Variants in USO1 observed in about 807,000 individuals in gnomAD.
The protein encoded by USO1 is USO1 vesicle transport factor.
USO1 carries 57 observed loss-of-function variants against 124.5 expected under a neutral mutation model. That is an observed-to-expected ratio of 0.46 (90% CI 0.37 to 0.57). The LOEUF (loss-of-function observed/expected upper bound fraction) is 0.57, where lower values mean the gene tolerates loss of function less well. USO1 is among the 20% of genes least tolerant of loss of function. The probability of loss-of-function intolerance (pLI) is 0.00; values close to 1 mark genes in which losing one functional copy is unlikely to be tolerated. For missense variants in USO1, 900 were observed against 1,040.6 expected (o/e 0.86, Z 1.86); for synonymous variants, 369 against 362.8 (o/e 1.02, Z -0.19).
intron 4 of USO1, among the ~76,000 whole-genome samples, chr4:75,761,477 T>A (rs1355410894): frequency 6.6e-6 from 1 of 152,206 alleles, no homozygotes; most frequent in African/African-American, 2.4e-5. Flanking sequence ...TGTATACATA[T>A]ATTTTTTACC....
At chr4:75,753,168 C>G (rs901015567) in intron 3 of USO1, among the ~76,000 whole-genome samples, 2 of 152,190 alleles carry the variant, frequency 1.3e-5, no homozygotes, top group East Asian at 3.9e-4. Context: ...CTTGTAATTC[C>G]AGCACCTTGG....
rs753990069 is a variant in USO1, at chr4:75,774,804, A to G, written c.676+8A>G. 3 of 1,611,654 alleles carry G rather than the reference A, an allele frequency of 1.9e-6. No individual in the cohort carries two copies. The highest frequency in any genetic ancestry group is 1.1e-5 in the South Asian group (1 of 90,760). On this transcript the variant is annotated splice_region_variant and intron_variant, in intron 8 of 23. Transcript: ENST00000514213. ...AGGGGAACAGTGATGGAGGTATAGT[A>G]TGAAGAAATTATTTGAAGACATTCC...
intron 1 of USO1, among the ~76,000 whole-genome samples, chr4:75,733,031 C>T (rs13102733): frequency 0.53 from 79,702 of 151,046 alleles, 22,987 homozygotes; most frequent in East Asian, 0.81. Flanking sequence ...GAGGCCGAGG[C>T]GGGCAGATTA....
chr4:75,748,146 C>T (rs573711119), intron 1 of USO1, among the ~76,000 whole-genome samples: 5 of 151,890 alleles, frequency 3.3e-5, no homozygotes, highest in Admixed American at 1.3e-4. Flanking sequence ...TCAGGTGATC[C>T]GCCCCCTTCA....
chr4:75,813,294 A>G lies in USO1; in HGVS notation c.2888A>G (p.Ter963TrpextTer5). The change falls in exon 24 of 24, where the codon TAG becomes TGG. Residue 963 changes from the stop codon to tryptophan (W), a stop_lost. Transcript: ENST00000514213. The part of the protein sequence containing the change: ...EDPGKDLDHI[*>W] ...CCTGGCAAGGATCTAGATCATATCT[A>G]GTTTTCAAATCTCTAGGAACAATAG... 1 of 1,595,696 alleles carries G rather than the reference A, an allele frequency of 6.3e-7. No individual in the cohort carries two copies. The highest frequency in any genetic ancestry group is 1.1e-5 in the South Asian group (1 of 87,154).
rs1439621728 is a variant in USO1, at chr4:75,813,287, C to G, written c.2881C>G (p.His961Asp). Residue 961 changes from histidine (H) to aspartate (D), a missense_variant, in exon 24 of 24, where the codon CAT becomes GAT. Physicochemically the swap from His to Asp is moderately conservative, Grantham distance 81 (BLOSUM62 -1). Around this residue, in one of 2 missense-constraint regions of USO1, gnomAD observed 362 missense variants for 359.0 expected, o/e 1.01. Coordinates refer to ENST00000514213, the MANE Select transcript of USO1 (RefSeq NM_003715.4). Reference sequence around the variant, plus strand: ...TGAAGATCCTGGCAAGGATCTAGATCATATCTAGTTTTCAAATCTCTAGGA... The same window carrying G: ...TGAAGATCCTGGCAAGGATCTAGATGATATCTAGTTTTCAAATCTCTAGGA... ...ESEDPGKDLD[H>D]I The G allele has an allele frequency of 1.3e-6, 2 of 1,598,262 alleles. No individual in the cohort carries two copies. The highest frequency in any genetic ancestry group is 1.1e-5 in the South Asian group (1 of 87,750).
rs1211283645 is a variant in USO1 at position 75,770,909 on chromosome 4, TTA to T, written c.485_486del (p.Leu162CysfsTer22). ...QLGPQVQQIILVSPMGVSRLM... is the reference protein window; with the variant it reads ...QLGPQVQQIIXVSPMGVSRLM... ...AGGGCCTCAGGTGCAACAAATTATT[TTA>T]GTCAGTCCTATGGGTAAGTGACTTA... On this transcript the variant is annotated frameshift_variant, in exon 6 of 24. Coordinates refer to ENST00000514213, the MANE Select transcript of USO1 (RefSeq NM_003715.4). LOFTEE classifies it high-confidence loss of function. 6.2e-7 allele frequency: 1 copy of T among 1,613,642 alleles called. No homozygotes were observed. The highest frequency in any genetic ancestry group is 1.1e-5 in the South Asian group (1 of 91,018).
chr4:75,755,844 T>C (rs890137778), intron 3 of USO1, among the ~76,000 whole-genome samples: 1 of 152,096 alleles, frequency 6.6e-6, no homozygotes, highest in Non-Finnish European at 1.5e-5. Context: ...TTGACCCTGG[T>C]GGACCCAGTG....
chr4:75,811,325 T>G (rs1723142266), intron 22 of USO1, among the ~76,000 whole-genome samples: 2 of 152,262 alleles, frequency 1.3e-5, no homozygotes, highest in South Asian at 4.1e-4. Context: ...TCAGCTAATT[T>G]TTGTACTTTT....
intron 3 of USO1, 96 bp downstream of exon 3, chr4:75,752,700 A>AT (rs1721325034): frequency 2.6e-6 from 1 of 391,794 alleles, no homozygotes; most frequent in Non-Finnish European, 4.5e-6. Context: ...TTTTTTTGGT[A>AT]TTTTTTGGTA....
At chr4:75,741,372 T>C (rs1014048452) in intron 1 of USO1, among the ~76,000 whole-genome samples, 8 of 152,204 alleles carry the variant, frequency 5.3e-5, no homozygotes, top group Non-Finnish European at 1.5e-5. Flanking sequence ...ATGTAAAGTA[T>C]ACTTTATAAA....
intron 1 of USO1, among the ~76,000 whole-genome samples, chr4:75,744,710 G>A (rs1009179705): frequency 2.0e-5 from 3 of 152,194 alleles, no homozygotes; most frequent in Admixed American, 6.5e-5. Flanking sequence ...GTAAGCCACC[G>A]CGCCCAGCCC....
intron 1 of USO1, among the ~76,000 whole-genome samples, chr4:75,741,716 C>T (rs977031443): frequency 7.3e-5 from 11 of 151,082 alleles, no homozygotes; most frequent in East Asian, 1.9e-4. Flanking sequence ...GTAATTCTCC[C>T]GCCTCAGCCT....
At chr4:75,751,771 G>T (rs1177345238) in intron 1 of USO1, among the ~76,000 whole-genome samples, 1 of 151,672 alleles carries the variant, frequency 6.6e-6, no homozygotes, top group Non-Finnish European at 1.5e-5. Context: ...GGCGGAGGTT[G>T]CAGTGAGCCG....
At chr4:75,779,216 C>A (rs927381683) in intron 8 of USO1, among the ~76,000 whole-genome samples, 1 of 152,162 alleles carries the variant, frequency 6.6e-6, no homozygotes, top group Non-Finnish European at 1.5e-5. Flanking sequence ...TCCCCTCCCT[C>A]CCTCGGGCCT....
intron 23 of USO1, among the ~76,000 whole-genome samples, chr4:75,812,627 T>C (rs984534503): frequency 6.6e-6 from 1 of 152,066 alleles, no homozygotes; most frequent in Non-Finnish European, 1.5e-5. Context: ...ATTGATTTGA[T>C]TGGTAACAAG....
chr4:75,790,047 TAAAAA>T (rs67037358), intron 10 of USO1, 98 bp from the exon 11 acceptor site: 5 of 1,005,548 alleles, frequency 5.0e-6, no homozygotes, highest in Non-Finnish European at 3.9e-6. Flanking sequence ...TAAAGTATAA[TAAAAA>T]AAAAAACAAA....
Position 75,752,452 on chromosome 4 carries a change from T to C in USO1, c.146T>C (p.Leu49Ser). 2 of 398,482 alleles carry C rather than the reference T, an allele frequency of 5.0e-6. No homozygotes were observed. Among genetic ancestry groups the C allele is most frequent in the Non-Finnish European group, 8.8e-6 (2 of 226,018 alleles). 24.7% of individuals were successfully genotyped at this position (398,482 alleles called of 1,614,324 possible). ...RRNAVRALKS[L>S]SKKYRLEVGI... ...AATGCTGTTCGTGCTCTCAAATCAT[T>C]ATCTAAGGTTTGTAACTTTGTAAAT... Residue 49 changes from leucine to serine, a missense_variant, in exon 2 of 24, where the codon TTA (leucine) becomes TCA (serine). Leu to Ser is a moderately radical substitution (Grantham distance 145). This residue lies in a region of USO1 where 538 missense variants were observed against 681.6 expected (regional missense o/e 0.79). Transcript: ENST00000514213.
chr4:75,749,727 C>A (rs1243268229), intron 1 of USO1, among the ~76,000 whole-genome samples: 10 of 150,154 alleles, frequency 6.7e-5, no homozygotes, highest in Admixed American at 2.0e-4. Flanking sequence ...CTAGAAAGGA[C>A]CCAAGTGTTT....
Sources: allele counts gnomAD v4.1 joint callset (sites outside exome capture counted in the v4.1 genomes callset), GRCh38; gene constraint gnomAD v4.1.1; regional missense constraint gnomAD v4.1.1; transcripts MANE v1.5; gene names NCBI Gene and HGNC (gene_info 2026-07-23, HGNC 2026-07-21).